TAF2: variants seen among roughly 807,000 people sequenced by gnomAD.
The protein encoded by TAF2 is transcription initiation factor TFIID subunit 2.
Under a neutral mutation model 138.5 loss-of-function variants are expected in TAF2, and 61 were observed. That is an observed-to-expected ratio of 0.44 (90% CI 0.36 to 0.54). The LOEUF (loss-of-function observed/expected upper bound fraction) is 0.54, where lower values mean the gene tolerates loss of function less well. Among genes scored for constraint, TAF2 ranks in the 20% least tolerant of loss-of-function variants. TAF2 has a pLI of 0.00. For synonymous variants in TAF2, 475 were observed against 469.9 expected (o/e 1.01, Z -0.14); for missense variants, 1,090 against 1,427.9 (o/e 0.76, Z 3.81).
At chr8:119,814,252 C>G (rs2131242450) in intron 3 of TAF2, among the ~76,000 whole-genome samples, 1 of 152,210 alleles carries the variant, frequency 6.6e-6, no homozygotes, top group East Asian at 1.9e-4. Context: ...TAATGTCCCT[C>G]CAACTCTAAG....
intron 22 of TAF2, 61 bp downstream of exon 22, chr8:119,755,945 C>G: frequency 7.5e-7 from 1 of 1,327,606 alleles, no homozygotes; most frequent in Admixed American, 1.7e-5. Flanking sequence ...AATTGAAAAT[C>G]TGTTGTAAAA....
intron 2 of TAF2, among the ~76,000 whole-genome samples, chr8:119,829,169 C>T (rs10108101): frequency 0.3 from 45,272 of 152,052 alleles, 7,806 homozygotes; most frequent in African/African-American, 0.47. Flanking sequence ...CTACTCAATA[C>T]CCTACGAGTT....
chr8:119,802,054 T>C (rs777533834), intron 5 of TAF2, 29 bp from the exon 6 acceptor site: 3 of 1,558,000 alleles, frequency 1.9e-6, no homozygotes, highest in Non-Finnish European at 2.6e-6. Flanking sequence ...GTATAGAAAA[T>C]GTATTCAAAG....
At chr8:119,775,542 A>C (rs1310829512) in intron 18 of TAF2, among the ~76,000 whole-genome samples, 2 of 151,816 alleles carry the variant, frequency 1.3e-5, no homozygotes, top group Non-Finnish European at 2.9e-5. Context: ...GTCTCTACTA[A>C]AAGTACAACA....
At chr8:119,744,452 G>A in intron 23 of TAF2, 59 bp from the exon 24 acceptor site, 1 of 1,445,696 alleles carries the variant, frequency 6.9e-7, no homozygotes, top group Non-Finnish European at 9.7e-7. Context: ...GTTATGTTTG[G>A]ATATTAGCTC....
intron 3 of TAF2, among the ~76,000 whole-genome samples, chr8:119,808,782 T>G (rs1038968261): frequency 6.6e-6 from 1 of 152,204 alleles, no homozygotes; most frequent in Non-Finnish European, 1.5e-5. Flanking sequence ...CAATAAGCAG[T>G]ACCATATTGA....
At chr8:119,743,112 C>A (rs1206072021) in intron 24 of TAF2, among the ~76,000 whole-genome samples, 1 of 151,504 alleles carries the variant, frequency 6.6e-6, no homozygotes, top group African/African-American at 2.4e-5. Flanking sequence ...AAACAGTAAA[C>A]CTGAGTTATT....
intron 18 of TAF2, among the ~76,000 whole-genome samples, chr8:119,776,548 G>C (rs2131115150): frequency 6.6e-6 from 1 of 151,930 alleles, no homozygotes; most frequent in South Asian, 2.1e-4. Context: ...AATTAGCCGG[G>C]CGTAGTGGCG....
chr8:119,769,840 C>T (rs1407593428), intron 18 of TAF2, among the ~76,000 whole-genome samples: 12 of 151,746 alleles, frequency 7.9e-5, no homozygotes, highest in Admixed American at 7.9e-4. Flanking sequence ...TCACTGCAAC[C>T]TCCGCCTCCC....
intron 6 of TAF2, among the ~76,000 whole-genome samples, chr8:119,798,545 T>C (rs1454460786): frequency 3.9e-5 from 6 of 152,216 alleles, no homozygotes; most frequent in African/African-American, 7.2e-5. Flanking sequence ...GGTAATCTTT[T>C]TGAGTTCAAC....
chr8:119,817,316 G>A (rs758360469), intron 3 of TAF2, among the ~76,000 whole-genome samples: 2 of 152,118 alleles, frequency 1.3e-5, no homozygotes, highest in South Asian at 2.1e-4. Flanking sequence ...TCTGAGCTTT[G>A]CCTCCTGTCA....
intron 22 of TAF2, among the ~76,000 whole-genome samples, chr8:119,752,993 T>C (rs1410073557): frequency 6.6e-6 from 1 of 152,234 alleles, no homozygotes; most frequent in Non-Finnish European, 1.5e-5. Context: ...AATGATGCTC[T>C]AGCTCCTTTT....
intron 25 of TAF2, among the ~76,000 whole-genome samples, chr8:119,737,678 T>G (rs1167522991): frequency 6.6e-6 from 1 of 151,870 alleles, no homozygotes; most frequent in Non-Finnish European, 1.5e-5. Flanking sequence ...CCAGCTAATT[T>G]TTGTATTTTT....
intron 4 of TAF2, among the ~76,000 whole-genome samples, chr8:119,804,952 C>T (rs926254614): frequency 3.3e-5 from 5 of 152,110 alleles, no homozygotes; most frequent in African/African-American, 7.2e-5. Flanking sequence ...CAATCATATG[C>T]ACTATCTCCA....
chr8:119,795,675 C>A, intron 8 of TAF2, 44 bp from the exon 9 acceptor site: 2 of 1,518,782 alleles, frequency 1.3e-6, no homozygotes, highest in Non-Finnish European at 1.8e-6. Context: ...ATCATAAAAA[C>A]TCCTCAGATA....
chr8:119,755,026 A>G (rs969374422), intron 22 of TAF2, among the ~76,000 whole-genome samples: 1 of 152,234 alleles, frequency 6.6e-6, no homozygotes, highest in Non-Finnish European at 1.5e-5. Context: ...TGTTTTACAG[A>G]CACTCATTTA....
intron 2 of TAF2, 27 bp downstream of exon 2, chr8:119,831,650 A>G (rs373278026): frequency 6.4e-7 from 1 of 1,560,742 alleles, no homozygotes; most frequent in South Asian, 1.1e-5. Flanking sequence ...ACTTGTTACT[A>G]TTTATAATTG....
In TAF2 at chr8:119,731,818, G is replaced by C; in HGVS notation, c.*106C>G. On this transcript the variant is annotated 3_prime_UTR_variant, in exon 26 of 26. Transcript: ENST00000378164. ...AAATGAATTCAGAATTTCTGTAGGA[G>C]AGGCGAATCCTTTCCCCCCTCCCTT... 1 of 1,081,116 alleles carries C rather than the reference G, an allele frequency of 9.2e-7. No individual in the cohort carries two copies. Among genetic ancestry groups the C allele is most frequent in the South Asian group, 1.3e-5 (1 of 78,072 alleles). 67.0% of individuals were successfully genotyped at this position (1,081,116 alleles called of 1,614,324 possible). A position where few individuals can be genotyped will look rare whatever the true frequency, so the allele number is the denominator to read the frequency against.
intron 22 of TAF2, among the ~76,000 whole-genome samples, chr8:119,755,393 AGG>A (rs1464595097): frequency 6.6e-6 from 1 of 152,140 alleles, no homozygotes; most frequent in East Asian, 1.9e-4. Context: ...GCTACTCGGG[AGG>A]GTAAGGCAGG....
Sources: gnomAD v4.1 joint callset for allele counts (sites outside exome capture counted in the v4.1 genomes callset) on GRCh38, gnomAD v4.1.1 for gene constraint, MANE v1.5 for transcripts, NCBI Gene and HGNC (gene_info 2026-07-23, HGNC 2026-07-21) for gene names.